WDR45B: variants seen among roughly 807,000 people sequenced by gnomAD.
WDR45B encodes the protein WD repeat domain 45B, also known as WD repeat domain phosphoinositide-interacting protein 3.
WDR45B carries 20 observed loss-of-function variants against 44.6 expected under a neutral mutation model. The ratio of observed to expected loss-of-function variants is 0.45; its 90% CI spans 0.32 to 0.65. The LOEUF (loss-of-function observed/expected upper bound fraction) is 0.65, where lower values mean the gene tolerates loss of function less well. Among genes scored for constraint, WDR45B ranks in the 30% least tolerant of loss-of-function variants. The pLI is 0.05. For missense variants in WDR45B, 323 were observed against 430.2 expected, an observed-to-expected ratio of 0.75 and a Z score of 2.20; for synonymous variants, 169 against 164.9, an observed-to-expected ratio of 1.02 and a Z score of -0.19.
chr17:82,639,816 G>A (rs1167871849), intron 2 of WDR45B, among the ~76,000 whole-genome samples: 13 of 147,350 alleles, frequency 8.8e-5, no homozygotes, highest in Non-Finnish European at 1.5e-5. Context: ...GGCTGTGTGT[G>A]TGTCAGGTCG....
At chr17:82,620,856 A>G (rs1187438197) in intron 6 of WDR45B, among the ~76,000 whole-genome samples, 1 of 152,188 alleles carries the variant, frequency 6.6e-6, no homozygotes, top group African/African-American at 2.4e-5. Context: ...CAATACGTCA[A>G]TATTTTCAGT....
intron 5 of WDR45B, among the ~76,000 whole-genome samples, chr17:82,625,091 A>G (rs112018871): frequency 4.6e-5 from 7 of 152,340 alleles, no homozygotes; most frequent in African/African-American, 1.7e-4. Flanking sequence ...TCCAGAACTC[A>G]GTGGCTCCCG....
At chr17:82,639,776 T>G in intron 2 of WDR45B, among the ~76,000 whole-genome samples, 1 of 137,298 alleles carries the variant, frequency 7.3e-6, no homozygotes. Context: ...GCTGCTGGGC[T>G]GTGTGTGTGT....
At chr17:82,635,160 A>AT in intron 2 of WDR45B, among the ~76,000 whole-genome samples, 1 of 151,876 alleles carries the variant, frequency 6.6e-6, no homozygotes, top group Non-Finnish European at 1.5e-5. Context: ...ATTTTACATA[A>AT]TTTTTTACCA....
At chr17:82,640,446 G>A (rs1448498750) in intron 2 of WDR45B, among the ~76,000 whole-genome samples, 2 of 151,764 alleles carry the variant, frequency 1.3e-5, no homozygotes, top group Non-Finnish European at 1.5e-5. Flanking sequence ...CGACTCCCTG[G>A]TTCAAGCAAT....
At chr17:82,644,429 A>C (rs2045952452) in intron 1 of WDR45B, 2 of 259,826 alleles carry the variant, frequency 7.7e-6, no homozygotes, top group African/African-American at 4.4e-5. Context: ...AGGTAGTCCT[A>C]GACTCCAGGA....
intron 3 of WDR45B, among the ~76,000 whole-genome samples, 175 bp from the exon 4 acceptor site, chr17:82,627,466 G>A (rs750667230): frequency 2.0e-5 from 3 of 152,222 alleles, no homozygotes; most frequent in Non-Finnish European, 4.4e-5. Context: ...AACTCAAACC[G>A]TGAGCTGTGC....
Position 82,648,416 on chromosome 17 carries a change from C to A in WDR45B, c.-76G>T. On this transcript the variant is annotated 5_prime_UTR_variant, in exon 1 of 10. Coordinates refer to ENST00000392325, the MANE Select transcript of WDR45B (RefSeq NM_019613.4). The stretch of plus-strand genomic sequence containing the variant: ...GGGACGGCGGCCTGGTCCCTTCGGG[C>A]CGGCGCTGAGGCCGCCGCGGCCGGA... The A allele has an allele frequency of 6.5e-7, 1 of 1,550,338 alleles. No individual in the cohort carries two copies. Among genetic ancestry groups the A allele is most frequent in the Non-Finnish European group, 8.7e-7 (1 of 1,147,750 alleles).
chr17:82,625,632 T>C, intron 4 of WDR45B, 149 bp from the exon 5 acceptor site: 2 of 811,418 alleles, frequency 2.5e-6, no homozygotes, highest in Non-Finnish European at 4.0e-6. Context: ...TGGAGGCAGG[T>C]AGCCAGCGCC....
intron 2 of WDR45B, among the ~76,000 whole-genome samples, chr17:82,643,131 T>A (rs1337937818): frequency 6.6e-6 from 1 of 152,190 alleles, no homozygotes; most frequent in African/African-American, 2.4e-5. Flanking sequence ...CAACCTTATT[T>A]CACGTACAAA....
At position 82,626,708 on chromosome 17, in the gene WDR45B, C is replaced by T. The variant is rs193117775; in HGVS notation, c.332+496G>A. 256 of 191,026 alleles carry T rather than the reference C, an allele frequency of 1.3e-3. 2 individuals are homozygous for T. The highest frequency in any genetic ancestry group is 2.2e-3 in the Non-Finnish European group (203 of 90,692). The allele number at this position is 191,026 out of a possible 1,614,324, so 11.8% of individuals were successfully genotyped here. ...ACGAACTCTGCGCTATCTTGCTCAA[C>T]GTACTAGGACAAACTTCCATATTCC... On this transcript the variant is annotated intron_variant, in intron 4 of 9. Coordinates refer to ENST00000392325, the MANE Select transcript of WDR45B (RefSeq NM_019613.4).
At chr17:82,642,826 G>A (rs2045933951) in intron 2 of WDR45B, among the ~76,000 whole-genome samples, 1 of 152,082 alleles carries the variant, frequency 6.6e-6, no homozygotes, top group African/African-American at 2.4e-5. Context: ...TTCCCACACA[G>A]CTGCTAATGA....
chr17:82,616,824 A>AT (rs571981426), intron 8 of WDR45B, among the ~76,000 whole-genome samples, 179 bp from the exon 9 acceptor site: 1,635 of 149,686 alleles, frequency 0.011, 38 homozygotes, highest in African/African-American at 0.037. Context: ...TAAAAAAAAA[A>AT]TTTTTTTTTT....
In WDR45B at chr17:82,615,805, A is replaced by G. The variant is rs3764356; in HGVS notation, c.*114T>C. On this transcript the variant is annotated 3_prime_UTR_variant, in exon 10 of 10. Transcript: ENST00000392325. ...ACAACCACGTATGGCTTCGAGACCA[A>G]GGTCCCTGGGCAGCCCCTCCAGCCC... 0.11 allele frequency: 97,871 copies of G among 923,836 alleles called. 6,878 individuals carry two copies. The highest frequency in any genetic ancestry group is 0.26 in the East Asian group (10,780 of 41,240). 57.2% of individuals were successfully genotyped at this position (923,836 alleles called of 1,614,324 possible). A position where few individuals can be genotyped will look rare whatever the true frequency, so the allele number is the denominator to read the frequency against.
rs926424732 is a variant in WDR45B, at chr17:82,627,137, A to G, written c.332+67T>C. 1.2e-5 allele frequency: 15 copies of G among 1,294,800 alleles called. No homozygotes were observed. The Middle Eastern group carries it at 1.0e-3, about 88-fold the overall frequency. 80.2% of individuals were successfully genotyped at this position (1,294,800 alleles called of 1,614,324 possible). ...TAAACATTTTTCTGCCAAAAATAGA[A>G]AAGTATTTCAGCCATCTTTTGAGAA... On this transcript the variant is annotated intron_variant, in intron 4 of 9. Transcript: ENST00000392325.
At position 82,616,526 on chromosome 17, in the gene WDR45B, A is replaced by G. The variant is rs139921288; in HGVS notation, c.926T>C (p.Ile309Thr). ...TCTCTCCAGGAAGGACCACTCACCA[A>G]TGACGGCGTTTGGCTCTGTTCCAAA... Reference protein sequence around the residue: ...CAFGTEPNAVIAICADGSYYK... With the variant: ...CAFGTEPNAVTAICADGSYYK... Residue 309 changes from isoleucine (I) to threonine (T), a missense_variant and splice_region_variant, in exon 9 of 10, where the codon ATT (isoleucine) becomes ACT (threonine). Transcript: ENST00000392325. The G allele has an allele frequency of 1.1e-5, 18 of 1,613,978 alleles. No homozygotes were observed. Among genetic ancestry groups the G allele is most frequent in the Non-Finnish European group, 1.4e-5 (17 of 1,179,998 alleles).
At chr17:82,622,942 C>T (rs547640361) in intron 5 of WDR45B, among the ~76,000 whole-genome samples, 1 of 152,124 alleles carries the variant, frequency 6.6e-6, no homozygotes, top group Non-Finnish European at 1.5e-5. Context: ...GGAACCCAGG[C>T]GTGTGCCTCA....
At chr17:82,632,560 G>A (rs561393239) in intron 2 of WDR45B, among the ~76,000 whole-genome samples, 9 of 152,192 alleles carry the variant, frequency 5.9e-5, no homozygotes, top group Non-Finnish European at 1.3e-4. Flanking sequence ...GCTCTCTGAG[G>A]GGAGCAACAG....
At chr17:82,622,168 G>A (rs2045628240) in intron 5 of WDR45B, among the ~76,000 whole-genome samples, 1 of 152,042 alleles carries the variant, frequency 6.6e-6, no homozygotes. Flanking sequence ...TGCTCCATCA[G>A]CAACAGCGTA....
Sources: allele counts gnomAD v4.1 joint callset (sites outside exome capture counted in the v4.1 genomes callset), GRCh38; gene constraint gnomAD v4.1.1; transcripts MANE v1.5; gene names NCBI Gene and HGNC (gene_info 2026-07-23, HGNC 2026-07-21).